Variants in GRM5 observed in about 807,000 individuals in gnomAD.
The protein encoded by GRM5 is glutamate metabotropic receptor 5, also known as metabotropic glutamate receptor 5.
In GRM5, 19 loss-of-function variants were observed where a neutral mutation model predicts 83.1. The ratio of observed to expected loss-of-function variants is 0.23; its 90% confidence interval spans 0.16 to 0.34. The LOEUF (loss-of-function observed/expected upper bound fraction) is 0.34. GRM5 is among the 10% of genes least tolerant of loss of function. GRM5 has a pLI of 1.00. For synonymous variants in GRM5, 675 were observed against 633.6 expected, an observed-to-expected ratio of 1.07 and a Z score of -0.98; for missense variants, 1,160 against 1,588.3, an observed-to-expected ratio of 0.73 and a Z score of 4.58.
intron 3 of GRM5, among the ~76,000 whole-genome samples, chr11:88,759,765 G>T (rs1159569087): frequency 6.6e-6 from 1 of 151,724 alleles, no homozygotes; most frequent in African/African-American, 2.4e-5. Context: ...CCAAAACAAA[G>T]GAATATATAT....
chr11:88,971,482 T>A (rs1417190704), intron 2 of GRM5, among the ~76,000 whole-genome samples: 1 of 152,086 alleles, frequency 6.6e-6, no homozygotes, highest in Non-Finnish European at 1.5e-5. Context: ...CTTCTTTGCA[T>A]CCATATGTAC....
At chr11:88,901,619 T>C (rs1945316794) in intron 2 of GRM5, among the ~76,000 whole-genome samples, 1 of 152,154 alleles carries the variant, frequency 6.6e-6, no homozygotes, top group South Asian at 2.1e-4. Context: ...GTGAATGAGC[T>C]CTGAAAGTGC....
At chr11:88,805,622 G>A (rs759721430) in intron 3 of GRM5, among the ~76,000 whole-genome samples, 1 of 152,086 alleles carries the variant, frequency 6.6e-6, no homozygotes, top group Non-Finnish European at 1.5e-5. Flanking sequence ...CAAATGGAAC[G>A]GTATTGATTT....
At position 89,047,568 on chromosome 11, in the gene GRM5, G is replaced by A; in HGVS notation, c.305C>T (p.Ser102Leu). 5 of 1,614,116 alleles carry A rather than the reference G, an allele frequency of 3.1e-6. No homozygotes were observed. Among genetic ancestry groups the A allele is most frequent in the Non-Finnish European group, 4.2e-6 (5 of 1,179,990 alleles). ...AATGCTCTGCTCTAGGGCCACAGCC[G>A]AATGCCAGCAGGAGTCCCTTATCTC... is the stretch of plus-strand genomic sequence containing the variant. ...GCEIRDSCWH[S>L]AVALEQSIEF... Residue 102 changes from serine (S) to leucine (L), a missense_variant, in exon 2 of 10, where the codon TCG (serine) becomes TTG (leucine). Around this residue, in one of 9 missense-constraint regions of GRM5, gnomAD observed 71 missense variants for 145.8 expected, o/e 0.49. Coordinates refer to ENST00000305447, the MANE Select transcript of GRM5 (RefSeq NM_001143831.3). The surrounding 1 kb of genome is among the most constrained non-coding windows in gnomAD (Gnocchi z 5.1).
At chr11:88,683,986 G>T (rs546868084) in intron 3 of GRM5, among the ~76,000 whole-genome samples, 46 of 152,254 alleles carry the variant, frequency 3.0e-4, no homozygotes, top group African/African-American at 1.0e-3. Context: ...AGACTGGTAA[G>T]GAAATTGCAT....
intron 5 of GRM5, among the ~76,000 whole-genome samples, chr11:88,598,285 G>A (rs75783351): frequency 0.016 from 2,377 of 152,214 alleles, 45 homozygotes; most frequent in East Asian, 0.065. Flanking sequence ...AATGGAAAAT[G>A]TTCTCGCTTT....
chr11:88,669,669 A>C (rs1478674080), intron 3 of GRM5, among the ~76,000 whole-genome samples: 1 of 152,000 alleles, frequency 6.6e-6, no homozygotes, highest in African/African-American at 2.4e-5. Flanking sequence ...ATCCAAAACA[A>C]ATACAAATTA....
At chr11:88,792,508 ACTC>A (rs1943194624) in intron 3 of GRM5, among the ~76,000 whole-genome samples, 1 of 152,050 alleles carries the variant, frequency 6.6e-6, no homozygotes, top group Admixed American at 6.6e-5. Context: ...TTATGACAGG[ACTC>A]CTATTATTTC....
intron 2 of GRM5, among the ~76,000 whole-genome samples, chr11:88,901,741 C>G (rs1298455900): frequency 2.6e-5 from 4 of 152,170 alleles, no homozygotes; most frequent in African/African-American, 9.7e-5. Context: ...TGCTTGATTG[C>G]TCTCAACAGA....
chr11:89,002,465 C>G lies in GRM5; in HGVS notation c.661+44747G>C, dbSNP rs139872287. 4.9e-3 allele frequency among the ~76,000 whole-genome samples: 753 copies of G among 152,176 alleles called. 4 individuals are homozygous for G. Among genetic ancestry groups the G allele is most frequent in the African/African-American group, 0.017 (701 of 41,526 alleles). On this transcript the variant is annotated intron_variant, in intron 2 of 9. Transcript: ENST00000305447. ...AAAGCTAATAACTAGATTTGTTGCC[C>G]CTGATTCCCACATAAAGACAAGCCT... is the stretch of plus-strand genomic sequence containing the variant.
chr11:88,611,185 T>C (rs1313561628), intron 4 of GRM5, among the ~76,000 whole-genome samples: 7 of 152,152 alleles, frequency 4.6e-5, no homozygotes, highest in Non-Finnish European at 1.0e-4. Context: ...TCTTTTATTG[T>C]TGTGTCTCTG....
intron 3 of GRM5, among the ~76,000 whole-genome samples, chr11:88,761,181 G>A (rs1229230304): frequency 6.6e-6 from 1 of 152,094 alleles, no homozygotes; most frequent in Non-Finnish European, 1.5e-5. Context: ...ATTCACCATA[G>A]TATTCGAAGT....
chr11:88,602,380 G>A (rs1032416739), intron 5 of GRM5, among the ~76,000 whole-genome samples: 1 of 152,164 alleles, frequency 6.6e-6, no homozygotes, highest in Non-Finnish European at 1.5e-5. Flanking sequence ...TCAGATGAGA[G>A]ATTTAAAAAC....
At chr11:88,664,153 G>GA (rs1327093808) in intron 3 of GRM5, among the ~76,000 whole-genome samples, 2 of 152,006 alleles carry the variant, frequency 1.3e-5, no homozygotes, top group Non-Finnish European at 2.9e-5. Context: ...TCAGGTAAAT[G>GA]AAAAAAATTA....
At chr11:88,960,702 C>T (rs1169821991) in intron 2 of GRM5, among the ~76,000 whole-genome samples, 1 of 152,074 alleles carries the variant, frequency 6.6e-6, no homozygotes, top group East Asian at 1.9e-4. Flanking sequence ...CTGATTTATC[C>T]TAGATTCCCC....
At chr11:88,621,742 T>C (rs982938975) in intron 4 of GRM5, among the ~76,000 whole-genome samples, 1 of 152,220 alleles carries the variant, frequency 6.6e-6, no homozygotes, top group Non-Finnish European at 1.5e-5. Context: ...CAAGATTTTA[T>C]TTCTAATTAA....
At chr11:88,533,640 T>C (rs1428422661) in intron 8 of GRM5, among the ~76,000 whole-genome samples, 3 of 152,156 alleles carry the variant, frequency 2.0e-5, no homozygotes, top group African/African-American at 7.2e-5. Flanking sequence ...TATGATAGTA[T>C]AGGTAATAAT....
At chr11:88,764,041 A>G (rs183803954) in intron 3 of GRM5, among the ~76,000 whole-genome samples, 196 of 151,894 alleles carry the variant, frequency 1.3e-3, no homozygotes, top group Non-Finnish European at 2.1e-3. Context: ...CGCCATGCAA[A>G]TACAAACCAA....
chr11:88,758,116 C>T (rs1942435658), intron 3 of GRM5, among the ~76,000 whole-genome samples: 1 of 152,144 alleles, frequency 6.6e-6, no homozygotes, highest in Non-Finnish European at 1.5e-5. Flanking sequence ...ATTGAAGGAA[C>T]ACCAGCCTAC....
Sources: gnomAD v4.1 joint callset for allele counts (sites outside exome capture counted in the v4.1 genomes callset) on GRCh38, gnomAD v4.1.1 for gene constraint, gnomAD v4.1.1 regional missense constraint, Gnocchi (gnomAD v3.1) non-coding constraint, MANE v1.5 for transcripts, NCBI Gene and HGNC (gene_info 2026-07-23, HGNC 2026-07-21) for gene names.